UBAP1: variants seen among roughly 807,000 people sequenced by gnomAD.
UBAP1 encodes the protein ubiquitin-associated protein 1.
In UBAP1, 5 loss-of-function variants were observed where a neutral mutation model predicts 39.0. That is an observed-to-expected ratio of 0.13 (90% CI 0.07 to 0.27). The LOEUF is 0.27. Among genes scored for constraint, UBAP1 ranks in the 10% least tolerant of loss-of-function variants. The pLI is 1.00. For synonymous variants in UBAP1, 211 were observed against 225.1 expected, an observed-to-expected ratio of 0.94 and a Z score of 0.56; for missense variants, 490 against 608.1, an observed-to-expected ratio of 0.81 and a Z score of 2.04.
intron 1 of UBAP1, among the ~76,000 whole-genome samples, chr9:34,185,056 TC>T (rs1830322725): frequency 6.7e-6 from 1 of 149,316 alleles, no homozygotes; most frequent in Non-Finnish European, 1.5e-5. Flanking sequence ...TGTGTCAGCC[TC>T]CCTAGTAGCT....
In UBAP1 at chr9:34,217,779, C is replaced by T. The variant is rs1324269296; in HGVS notation, c.-7-3129C>T. Among the ~76,000 whole-genome samples, 128 of 44,896 alleles carry T rather than the reference C, an allele frequency of 2.9e-3. 1 individual carries two copies. Among genetic ancestry groups the T allele is most frequent in the African/African-American group, 9.0e-3 (122 of 13,558 alleles). 29.5% of individuals were successfully genotyped at this position (44,896 alleles called of 152,430 possible). ...CACATTGTCATAAATGACAGGATTTCGTTCTTTTTTTTTTTTTTTTTTTTT... is the reference window on the plus strand; with the variant it reads ...CACATTGTCATAAATGACAGGATTTTGTTCTTTTTTTTTTTTTTTTTTTTT... On this transcript the variant is annotated intron_variant, in intron 1 of 6. Coordinates refer to ENST00000297661, the MANE Select transcript of UBAP1 (RefSeq NM_016525.5).
At chr9:34,184,103 G>GA (rs1830242958) in intron 1 of UBAP1, among the ~76,000 whole-genome samples, 1 of 151,858 alleles carries the variant, frequency 6.6e-6, no homozygotes, top group Admixed American at 6.6e-5. Flanking sequence ...TGTTCAATTA[G>GA]AAAAAAGAAG....
intron 2 of UBAP1, among the ~76,000 whole-genome samples, chr9:34,232,615 A>G (rs1833483978): frequency 6.6e-6 from 1 of 152,148 alleles, no homozygotes; most frequent in Admixed American, 6.6e-5. Context: ...GGAGAGTTTC[A>G]GGTGTATCTG....
intron 1 of UBAP1, among the ~76,000 whole-genome samples, chr9:34,192,801 C>G (rs1285997919): frequency 6.6e-6 from 1 of 151,588 alleles, no homozygotes; most frequent in East Asian, 1.9e-4. Flanking sequence ...ACTTTTAGCC[C>G]CTGCAAAGAA....
chr9:34,208,951 T>C (rs1831868914), intron 1 of UBAP1, among the ~76,000 whole-genome samples: 1 of 151,696 alleles, frequency 6.6e-6, no homozygotes, highest in South Asian at 2.1e-4. Flanking sequence ...GTTCTATTTT[T>C]TGAGGTGGAG....
chr9:34,194,161 T>A (rs1830890091), intron 1 of UBAP1, among the ~76,000 whole-genome samples: 1 of 152,218 alleles, frequency 6.6e-6, no homozygotes, highest in Non-Finnish European at 1.5e-5. Context: ...TTCAAATAAT[T>A]ATATTCTCTG....
intron 1 of UBAP1, among the ~76,000 whole-genome samples, chr9:34,194,268 C>T (rs1397215884): frequency 2.0e-5 from 3 of 151,116 alleles, no homozygotes; most frequent in Non-Finnish European, 2.9e-5. Context: ...TGTGTAATAG[C>T]TATTTTGAAA....
At chr9:34,198,009 G>C (rs1310353390) in intron 1 of UBAP1, among the ~76,000 whole-genome samples, 1 of 152,202 alleles carries the variant, frequency 6.6e-6, no homozygotes, top group African/African-American at 2.4e-5. Flanking sequence ...AGTATCTGTG[G>C]GCAAGCAGGG....
chr9:34,250,875 C>T (rs1834464196), intron 6 of UBAP1, 116 bp downstream of exon 6: 2 of 848,206 alleles, frequency 2.4e-6, no homozygotes, highest in Middle Eastern at 2.2e-4. Context: ...ACTACAGGTA[C>T]AAGTATTTGA....
chr9:34,208,653 C>G (rs1395614272), intron 1 of UBAP1, among the ~76,000 whole-genome samples: 1 of 151,746 alleles, frequency 6.6e-6, no homozygotes, highest in African/African-American at 2.4e-5. Context: ...TGGCGGGCGC[C>G]TGTAGTCCCA....
intron 1 of UBAP1, among the ~76,000 whole-genome samples, chr9:34,199,304 A>G (rs907566409): frequency 3.9e-5 from 6 of 152,080 alleles, no homozygotes; most frequent in Admixed American, 6.6e-5. Flanking sequence ...CGAACCCCTG[A>G]CCTTGTGATC....
chr9:34,225,685 C>T (rs1452434621), intron 2 of UBAP1, among the ~76,000 whole-genome samples: 2 of 150,880 alleles, frequency 1.3e-5, no homozygotes, highest in Non-Finnish European at 2.9e-5. Context: ...GAGGCTGAGG[C>T]AGGAGAATGG....
chr9:34,210,787 T>A (rs561571365), intron 1 of UBAP1, among the ~76,000 whole-genome samples: 4 of 151,946 alleles, frequency 2.6e-5, no homozygotes, highest in Non-Finnish European at 5.9e-5. Flanking sequence ...GGTAGAGTGG[T>A]TGGAAATGTT....
intron 1 of UBAP1, among the ~76,000 whole-genome samples, chr9:34,198,596 G>T (rs1347004984): frequency 6.6e-6 from 1 of 152,184 alleles, no homozygotes; most frequent in Non-Finnish European, 1.5e-5. Flanking sequence ...CTCTCTGGTT[G>T]GGTGAGGCCA....
chr9:34,205,539 T>A (rs1587819195), intron 1 of UBAP1, among the ~76,000 whole-genome samples: 1 of 152,270 alleles, frequency 6.6e-6, no homozygotes, highest in East Asian at 1.9e-4. Flanking sequence ...GCTATTAAAT[T>A]TTCAGAAAGT....
At chr9:34,186,593 G>C (rs1338734784) in intron 1 of UBAP1, among the ~76,000 whole-genome samples, 2 of 151,964 alleles carry the variant, frequency 1.3e-5, no homozygotes, top group Non-Finnish European at 2.9e-5. Flanking sequence ...TGTATCTATA[G>C]TGTTTTTTAT....
chr9:34,226,115 G>GTGTGTGTGTGTGTGTGTGTGTGTT lies in UBAP1; in HGVS notation c.34+5190_34+5191insTTGTGTGTGTGTGTGTGTGTGTGT, dbSNP rs1833049077. On this transcript the variant is annotated intron_variant, in intron 2 of 6. Transcript: ENST00000297661. ...TTTCCTCCTACTCTATTGTGTGTGT[G>GTGTGTGTGTGTGTGTGTGTGTGTT]TGTGTGTGTGTGTGTGTGTGTGTGT... 2.0e-4 allele frequency among the ~76,000 whole-genome samples: 19 copies of GTGTGTGTGTGTGTGTGTGTGTGTT among 92,798 alleles called. 1 individual carries two copies. The highest frequency in any genetic ancestry group is 5.7e-4 in the African/African-American group (18 of 31,828). The allele number at this position is 92,798 out of a possible 152,430, so 60.9% of individuals were successfully genotyped here. A position where few individuals can be genotyped will look rare whatever the true frequency, so the allele number is the denominator to read the frequency against.
chr9:34,217,630 CA>C (rs923589674), intron 1 of UBAP1, among the ~76,000 whole-genome samples: 60 of 137,180 alleles, frequency 4.4e-4, no homozygotes, highest in African/African-American at 8.6e-4. Context: ...ACCTGAGTAA[CA>C]AAAAAAAAAG....
intron 1 of UBAP1, among the ~76,000 whole-genome samples, chr9:34,183,019 C>T (rs1193934780): frequency 2.0e-5 from 3 of 151,900 alleles, no homozygotes; most frequent in Non-Finnish European, 2.9e-5. Context: ...ACCTCTTGAT[C>T]CGCCCATCTC....
Sources: gnomAD v4.1 joint callset for allele counts (sites outside exome capture counted in the v4.1 genomes callset) on GRCh38, gnomAD v4.1.1 for gene constraint, MANE v1.5 for transcripts, NCBI Gene and HGNC (gene_info 2026-07-23, HGNC 2026-07-21) for gene names.